Variants in LRRC40 observed in about 807,000 individuals in gnomAD.
LRRC40 encodes the protein leucine rich repeat containing 40.
A neutral mutation model predicts 72.8 loss-of-function variants in LRRC40; 76 were observed. That is an observed-to-expected ratio of 1.04 (90% CI 0.87 to 1.26). The LOEUF (loss-of-function observed/expected upper bound fraction) is 1.26, where lower values mean the gene tolerates loss of function less well. Among genes scored for constraint, LRRC40 ranks in the 50% most tolerant of loss-of-function variants. The pLI, the probability that LRRC40 is intolerant of heterozygous loss-of-function variation, is 0.00. For missense variants in LRRC40, 684 were observed against 698.9 expected (o/e 0.98, Z 0.24); for synonymous variants, 243 against 254.2 (o/e 0.96, Z 0.42).
At chr1:70,179,568 T>G (rs574620484) in intron 5 of LRRC40, among the ~76,000 whole-genome samples, 1 of 152,208 alleles carries the variant, frequency 6.6e-6, no homozygotes, top group East Asian at 1.9e-4. Context: ...AGCTTAAAAG[T>G]ATCATTGTCA....
chr1:70,173,235 C>G (rs903624847), intron 9 of LRRC40, among the ~76,000 whole-genome samples: 2 of 151,924 alleles, frequency 1.3e-5, no homozygotes, highest in Admixed American at 1.3e-4. Context: ...AATTGGCAGA[C>G]TTAACACAAT....
rs758106957 is a variant in LRRC40 at position 70,175,944 on chromosome 1, C to T, written c.843G>A (p.Glu281=). The T allele has an allele frequency of 6.3e-7, 1 of 1,587,096 alleles. No individual in the cohort carries two copies. The highest frequency in any genetic ancestry group is 8.5e-7 in the Non-Finnish European group (1 of 1,171,312). Residue 281 remains glutamate (E), a synonymous_variant, in exon 7 of 15, where the codon GAG becomes GAA. Coordinates refer to ENST00000370952, the MANE Select transcript of LRRC40 (RefSeq NM_017768.5). ...AATTCAGATGTTTAAGATGTTCTGC[C>T]TCTAACATTTCAATCTGGTTTTCAC... ...HVGENQIEML[E]AEHLKHLNSI... is the part of the protein sequence containing the mutation.
intron 10 of LRRC40, among the ~76,000 whole-genome samples, chr1:70,158,575 T>C (rs1667690537): frequency 6.6e-6 from 1 of 152,196 alleles, no homozygotes. Flanking sequence ...CAATTTCATA[T>C]ACTTCCATAA....
intron 10 of LRRC40, among the ~76,000 whole-genome samples, chr1:70,156,810 CAT>C (rs938215556): frequency 6.6e-6 from 1 of 152,080 alleles, no homozygotes; most frequent in Non-Finnish European, 1.5e-5. Context: ...CATAAAATTC[CAT>C]GATGCTACTC....
intron 1 of LRRC40, among the ~76,000 whole-genome samples, chr1:70,195,926 A>G (rs1298724596): frequency 6.6e-6 from 1 of 152,080 alleles, no homozygotes; most frequent in African/African-American, 2.4e-5. Flanking sequence ...GTGAGCCACC[A>G]CGCCAGGACC....
chr1:70,170,058 C>CACTAAGTAATTAT (rs1667968217), intron 9 of LRRC40, among the ~76,000 whole-genome samples: 2 of 151,968 alleles, frequency 1.3e-5, no homozygotes, highest in African/African-American at 4.8e-5. Context: ...AATTATACAC[C>CACTAAGTAATTAT]ATTACTAAGT....
chr1:70,187,841 AGAG>A (rs1668400197), intron 2 of LRRC40, among the ~76,000 whole-genome samples: 3 of 70,554 alleles, frequency 4.3e-5, no homozygotes, highest in Admixed American at 4.1e-4. Context: ...AAAAAATGGA[AGAG>A]AAGAGAAGAG....
intron 1 of LRRC40, among the ~76,000 whole-genome samples, chr1:70,196,053 A>G (rs1668602753): frequency 6.6e-6 from 1 of 151,784 alleles, no homozygotes; most frequent in Non-Finnish European, 1.5e-5. Flanking sequence ...TTATCTCACC[A>G]CTGTCCAAGA....
intron 1 of LRRC40, 46 bp downstream of exon 1, chr1:70,205,344 G>C: frequency 6.7e-7 from 1 of 1,498,944 alleles, no homozygotes; most frequent in Non-Finnish European, 9.0e-7. Context: ...CTGGGCCAAA[G>C]GCTTTCTGAC....
Position 70,152,484 on chromosome 1 carries a change from A to C in LRRC40, c.1388T>G (p.Phe463Cys). Residue 463 changes from phenylalanine (F) to cysteine (C), a missense_variant, in exon 12 of 15, where the codon TTT (phenylalanine) becomes TGT (cysteine). By Grantham distance (205) the Phe-to-Cys change is radical (BLOSUM62 -2). Transcript: ENST00000370952. ...DVDLSFNKLSFISLELCVLQK... is the reference protein window; with the variant it reads ...DVDLSFNKLSCISLELCVLQK... ...AAGCACACATAACTCCAAGGATATA[A>C]AGGAAAGTTTATTAAAACTGAGATC... 6.2e-7 allele frequency: 1 copy of C among 1,608,738 alleles called. No homozygotes were observed.
In LRRC40 at chr1:70,151,219, CA is replaced by C. The variant is rs1185032780; in HGVS notation, c.1440-15del. 2 of 1,318,720 alleles carry C rather than the reference CA, an allele frequency of 1.5e-6. No homozygotes were observed. The highest frequency in any genetic ancestry group is 2.9e-5 in the African/African-American group (2 of 68,676). The allele number at this position is 1,318,720 out of a possible 1,614,324, so 81.7% of individuals were successfully genotyped here. On this transcript the variant is annotated splice_polypyrimidine_tract_variant and intron_variant, in intron 12 of 14. Transcript: ENST00000370952. ...AAAAAATTGTTCCTAAATTGGAAAT[CA>C]AAACAGAAGATTTACAAAGTTTGAA... is the stretch of plus-strand genomic sequence containing the variant.
chr1:70,160,448 T>C (rs918887311), intron 9 of LRRC40, among the ~76,000 whole-genome samples: 2 of 152,108 alleles, frequency 1.3e-5, no homozygotes, highest in African/African-American at 4.8e-5. Context: ...AATGACAGAA[T>C]ATCAAACAGA....
Position 70,154,212 on chromosome 1 carries a change from A to T in LRRC40, c.1328+1477T>A, listed in dbSNP as rs562751802. 5.3e-5 allele frequency among the ~76,000 whole-genome samples: 8 copies of T among 152,286 alleles called. No homozygotes were observed. In the East Asian group the frequency reaches 1.5e-3, roughly 29 times the overall value. The stretch of plus-strand genomic sequence containing the variant: ...TTTAAAAAGGGAAAGTGGTTTGGGA[A>T]CTTTCTAGAGAAAAGCATGGCTTTT... On this transcript the variant is annotated intron_variant, in intron 11 of 14. Transcript: ENST00000370952.
At position 70,184,919 on chromosome 1, in the gene LRRC40, T is replaced by C; in HGVS notation, c.408-5A>G. On this transcript the variant is annotated splice_polypyrimidine_tract_variant and splice_region_variant and intron_variant, in intron 3 of 14. Transcript: ENST00000370952. ...AGTATTTTCAGTTTATTATGGCTATTGGTTGATAAAATAAATGATGAATAA... is the reference window on the plus strand; with the variant it reads ...AGTATTTTCAGTTTATTATGGCTATCGGTTGATAAAATAAATGATGAATAA... 1 of 1,580,870 alleles carries C rather than the reference T, an allele frequency of 6.3e-7. No homozygotes were observed. The highest frequency in any genetic ancestry group is 1.4e-5 in the African/African-American group (1 of 73,460).
chr1:70,179,393 A>G (rs1368659508), intron 5 of LRRC40, among the ~76,000 whole-genome samples: 1 of 152,092 alleles, frequency 6.6e-6, no homozygotes, highest in Non-Finnish European at 1.5e-5. Flanking sequence ...AGGTTGAGGC[A>G]GGAAGAATGC....
At chr1:70,175,434 T>A (rs1668081144) in intron 7 of LRRC40, among the ~76,000 whole-genome samples, 1 of 152,174 alleles carries the variant, frequency 6.6e-6, no homozygotes, top group Non-Finnish European at 1.5e-5. Flanking sequence ...GTTTCTCAAA[T>A]GATTCTAAAA....
At chr1:70,149,629 C>G (rs925110872) in intron 13 of LRRC40, among the ~76,000 whole-genome samples, 1 of 152,122 alleles carries the variant, frequency 6.6e-6, no homozygotes, top group Admixed American at 6.6e-5. Flanking sequence ...AAACTGATAG[C>G]TCAATTCACA....
At chr1:70,196,114 A>T (rs1668604789) in intron 1 of LRRC40, among the ~76,000 whole-genome samples, 2 of 148,966 alleles carry the variant, frequency 1.3e-5, no homozygotes, top group Admixed American at 1.4e-4. Context: ...CTTTCTAAGA[A>T]AAAAAAAAAA....
chr1:70,163,382 C>A (rs1179890127), intron 9 of LRRC40, among the ~76,000 whole-genome samples: 1 of 152,132 alleles, frequency 6.6e-6, no homozygotes, highest in Non-Finnish European at 1.5e-5. Flanking sequence ...CCACCACCCC[C>A]AGCCTGCATT....
Sources: allele counts gnomAD v4.1 joint callset (sites outside exome capture counted in the v4.1 genomes callset), GRCh38; gene constraint gnomAD v4.1.1; transcripts MANE v1.5; gene names NCBI Gene and HGNC (gene_info 2026-07-23, HGNC 2026-07-21).